The following CAMTA1 variants were observed in gnomAD, a reference collection of about 807,000 sequenced individuals.
CAMTA1 encodes calmodulin-binding transcription activator 1.
CAMTA1 carries 27 observed loss-of-function variants against 170.9 expected under a neutral mutation model. The ratio of observed to expected loss-of-function variants is 0.16; its 90% CI spans 0.12 to 0.22. The LOEUF is 0.22. Among genes scored for constraint, CAMTA1 ranks in the 10% least tolerant of loss-of-function variants. The probability of loss-of-function intolerance (pLI) is 1.00; values close to 1 mark genes in which losing one functional copy is unlikely to be tolerated. For synonymous variants in CAMTA1, 833 were observed against 891.5 expected (o/e 0.93, Z 1.17); for missense variants, 1,619 against 2,217.2 (o/e 0.73, Z 5.42).
intron 5 of CAMTA1, among the ~76,000 whole-genome samples, chr1:7,347,358 A>C (rs1170567117): frequency 6.6e-6 from 1 of 152,172 alleles, no homozygotes; most frequent in East Asian, 1.9e-4. Context: ...TCCGGTGCCC[A>C]GGCAGCTCCA....
intron 5 of CAMTA1, among the ~76,000 whole-genome samples, chr1:7,281,475 T>C (rs1169534579): frequency 6.6e-6 from 1 of 152,154 alleles, no homozygotes; most frequent in Non-Finnish European, 1.5e-5. Flanking sequence ...AAATTAAATA[T>C]TCAGGGAAAG....
intron 3 of CAMTA1, among the ~76,000 whole-genome samples, chr1:6,962,978 G>T (rs945437461): frequency 7.1e-6 from 1 of 140,382 alleles, no homozygotes; most frequent in African/African-American, 2.7e-5. Context: ...CCTTTCACCC[G>T]TCTGGCCCTG....
intron 4 of CAMTA1, among the ~76,000 whole-genome samples, chr1:7,215,287 A>G (rs1659556335): frequency 6.6e-6 from 1 of 152,124 alleles, no homozygotes; most frequent in Non-Finnish European, 1.5e-5. Context: ...TGAGCTTAGA[A>G]TTTTAAAATT....
chr1:7,589,961 G>A (rs192988664), intron 6 of CAMTA1, among the ~76,000 whole-genome samples: 132 of 152,322 alleles, frequency 8.7e-4, no homozygotes, highest in African/African-American at 2.9e-3. Context: ...TGCACAAGGC[G>A]GGGTTGTGTG....
In CAMTA1 at chr1:7,195,666, G is replaced by A. The variant is rs1051960382; in HGVS notation, c.303-53825G>A. 6.6e-6 allele frequency among the ~76,000 whole-genome samples: 1 copy of A among 152,204 alleles called. No individual in the cohort carries two copies. Among genetic ancestry groups the A allele is most frequent in the African/African-American group, 2.4e-5 (1 of 41,446 alleles). On this transcript the variant is annotated intron_variant, in intron 4 of 22. Transcript: ENST00000303635. This position sits in a 1 kb window ranked among gnomAD's most constrained non-coding sequence, Gnocchi z 4.1. ...TCTGACCCCATGAGGAGGTTGGCTT[G>A]TGAGTGCTTATATTTAGCCAGCCAT...
At chr1:7,549,782 GA>G (rs141327223) in intron 6 of CAMTA1, among the ~76,000 whole-genome samples, 5,154 of 150,736 alleles carry the variant, frequency 0.034, 268 homozygotes, top group African/African-American at 0.12. Context: ...GTAGGAAGAA[GA>G]AAGAGCTCAG....
intron 3 of CAMTA1, among the ~76,000 whole-genome samples, chr1:6,937,825 T>C (rs539844892): frequency 6.6e-4 from 100 of 150,964 alleles, no homozygotes; most frequent in African/African-American, 2.3e-3. Flanking sequence ...ATCACTACCA[T>C]AACCATCACT....
chr1:7,214,327 T>G (rs559548064), intron 4 of CAMTA1, among the ~76,000 whole-genome samples: 1 of 152,258 alleles, frequency 6.6e-6, no homozygotes. Flanking sequence ...GGTATCTCAT[T>G]GTGGTTTTGA....
chr1:7,006,191 T>C (rs1294219334), intron 3 of CAMTA1, among the ~76,000 whole-genome samples: 1 of 152,204 alleles, frequency 6.6e-6, no homozygotes, highest in East Asian at 1.9e-4. Context: ...AGTCTTTCCC[T>C]GGGCAATGGG....
rs1440890560 is a variant in CAMTA1, at chr1:7,006,720, C to T, written c.235-84584C>T. ...TCCCGGAGGACTGTCCCCACCTGAC[C>T]GGTCACAGCTCACCCCAACCCAGAG... On this transcript the variant is annotated intron_variant, in intron 3 of 22. Coordinates refer to ENST00000303635, the MANE Select transcript of CAMTA1 (RefSeq NM_015215.4). Among the ~76,000 whole-genome samples, 5 of 152,148 alleles carry T rather than the reference C, an allele frequency of 3.3e-5. No individual in the cohort carries two copies. The East Asian group carries it at 7.7e-4, about 23-fold the overall frequency.
At chr1:7,552,813 G>A (rs1206024339) in intron 6 of CAMTA1, among the ~76,000 whole-genome samples, 4 of 152,224 alleles carry the variant, frequency 2.6e-5, no homozygotes, top group African/African-American at 9.6e-5. Flanking sequence ...CCGGGATGGC[G>A]TGCTCAGAGT....
In CAMTA1 at chr1:7,180,174, G is replaced by A. The variant is rs147190047; in HGVS notation, c.303-69317G>A. Among the ~76,000 whole-genome samples the A allele has an allele frequency of 8.8e-3, 1,345 of 152,070 alleles. 18 individuals carry two copies. Among genetic ancestry groups the A allele is most frequent in the African/African-American group, 0.03 (1,256 of 41,464 alleles). On this transcript the variant is annotated intron_variant, in intron 4 of 22. Coordinates refer to ENST00000303635, the MANE Select transcript of CAMTA1 (RefSeq NM_015215.4). ...CTGAGGTCAGGAGTTCGAGATCAGC[G>A]TGGCCAACGTGGTAAAACCGTGTCT...
At chr1:7,120,634 C>T (rs1644587857) in intron 4 of CAMTA1, among the ~76,000 whole-genome samples, 1 of 152,166 alleles carries the variant, frequency 6.6e-6, no homozygotes, top group Non-Finnish European at 1.5e-5. Flanking sequence ...AGGGACTGCA[C>T]CAGGGTATGG....
intron 5 of CAMTA1, among the ~76,000 whole-genome samples, chr1:7,338,276 G>A (rs1271730850): frequency 6.6e-6 from 1 of 152,084 alleles, no homozygotes; most frequent in African/African-American, 2.4e-5. Context: ...ACAGAAACAA[G>A]TGTACACCAA....
At position 6,943,862 on chromosome 1, in the gene CAMTA1, A is replaced by G. The variant is rs550288554; in HGVS notation, c.234+118652A>G. ...ACTCTGTCTCAAAAAAAAAAAAAAA[A>G]AAAAAAGAAAAAAATACACATAACA... On this transcript the variant is annotated intron_variant, in intron 3 of 22. Coordinates refer to ENST00000303635, the MANE Select transcript of CAMTA1 (RefSeq NM_015215.4). Among the ~76,000 whole-genome samples, 76 of 103,706 alleles carry G rather than the reference A, an allele frequency of 7.3e-4. No homozygotes were observed. The East Asian group carries it at 8.2e-3, about 11-fold the overall frequency. The allele number at this position is 103,706 out of a possible 152,430, so 68.0% of individuals were successfully genotyped here. A position where few individuals can be genotyped will look rare whatever the true frequency, so the allele number is the denominator to read the frequency against.
At chr1:7,477,895 G>A (rs551553102) in intron 6 of CAMTA1, among the ~76,000 whole-genome samples, 2 of 152,224 alleles carry the variant, frequency 1.3e-5, no homozygotes, top group South Asian at 4.1e-4. Context: ...GGGGCATCAG[G>A]AAAGTCTTCC....
At chr1:7,487,253 G>T (rs1242201857) in intron 6 of CAMTA1, among the ~76,000 whole-genome samples, 1 of 152,126 alleles carries the variant, frequency 6.6e-6, no homozygotes, top group Admixed American at 6.6e-5. Flanking sequence ...GCAAAGAGTT[G>T]TGGCCACCAA....
At chr1:7,650,988 C>T (rs1028435295) in intron 7 of CAMTA1, among the ~76,000 whole-genome samples, 5 of 152,174 alleles carry the variant, frequency 3.3e-5, no homozygotes, top group Non-Finnish European at 7.3e-5. Flanking sequence ...CCGAGGACTC[C>T]GAAGGGGCCT....
intron 7 of CAMTA1, among the ~76,000 whole-genome samples, chr1:7,654,200 C>T (rs1286687020): frequency 3.9e-5 from 6 of 152,006 alleles, no homozygotes; most frequent in African/African-American, 1.4e-4. Context: ...GACCACCATG[C>T]TGAAACCCTG....
Sources: allele counts gnomAD v4.1 joint callset (sites outside exome capture counted in the v4.1 genomes callset), GRCh38; gene constraint gnomAD v4.1.1; non-coding constraint Gnocchi (gnomAD v3.1); transcripts MANE v1.5; gene names NCBI Gene and HGNC (gene_info 2026-07-23, HGNC 2026-07-21).